Variants in ACER2 observed in about 807,000 individuals in gnomAD.
ACER2 encodes the protein alkCDase 2.
ACER2 carries 26 observed loss-of-function variants against 34.7 expected under a neutral mutation model. The ratio of observed to expected loss-of-function variants is 0.75; its 90% CI spans 0.55 to 1.04. The LOEUF (loss-of-function observed/expected upper bound fraction) is 1.04, where lower values mean the gene tolerates loss of function less well. ACER2 is among the 50% of genes least tolerant of loss of function. ACER2 has a pLI of 0.00. For missense variants in ACER2, 352 were observed against 340.8 expected, an observed-to-expected ratio of 1.03 and a Z score of -0.26; for synonymous variants, 138 against 132.1, an observed-to-expected ratio of 1.04 and a Z score of -0.31.
intron 1 of ACER2, among the ~76,000 whole-genome samples, chr9:19,415,873 G>A (rs1254302910): frequency 2.0e-5 from 3 of 152,070 alleles, no homozygotes; most frequent in Admixed American, 2.0e-4. Context: ...CTCACTTACA[G>A]CAAGTGAGCT....
intron 1 of ACER2, among the ~76,000 whole-genome samples, chr9:19,419,989 TCTC>T (rs1785872126): frequency 6.6e-6 from 1 of 152,050 alleles, no homozygotes; most frequent in Non-Finnish European, 1.5e-5. Context: ...GCTTACCCGC[TCTC>T]CTCCCCAGAT....
intron 4 of ACER2, among the ~76,000 whole-genome samples, chr9:19,443,287 C>G (rs988058619): frequency 1.2e-4 from 19 of 152,190 alleles, no homozygotes; most frequent in African/African-American, 4.6e-4. Flanking sequence ...CTGCTTCAGC[C>G]TCCCAAAGTG....
chr9:19,435,290 G>A (rs1411761077), intron 4 of ACER2, among the ~76,000 whole-genome samples: 1 of 152,176 alleles, frequency 6.6e-6, no homozygotes, highest in Non-Finnish European at 1.5e-5. Context: ...CTGTTGAGCA[G>A]ATGCAGTGCA....
intron 1 of ACER2, among the ~76,000 whole-genome samples, chr9:19,421,430 T>C: frequency 6.6e-6 from 1 of 152,216 alleles, no homozygotes; most frequent in East Asian, 1.9e-4. Context: ...GTTACTGGTA[T>C]ATGCTGTAAT....
At chr9:19,414,452 T>G (rs1176865548) in intron 1 of ACER2, among the ~76,000 whole-genome samples, 1 of 152,216 alleles carries the variant, frequency 6.6e-6, no homozygotes, top group Non-Finnish European at 1.5e-5. Context: ...ATGTGGAAAT[T>G]CATAGAATGA....
rs1456984842 is a variant in ACER2 at position 19,450,515 on chromosome 9, C to T, written c.707C>T (p.Ser236Leu). ...CVCFAYFDAA[S>L]EIPEQGPVIK... is the part of the protein sequence containing the mutation. ...TGCTTTGCCTACTTTGATGCTGCCT[C>T]AGAGATTCCTGAGCAAGGCCCTGTC... is the stretch of plus-strand genomic sequence containing the variant. Residue 236 changes from serine (S) to leucine (L), a missense_variant, in exon 6 of 6, where the codon TCA becomes TTA. Physicochemically the swap from Ser to Leu is moderately radical, Grantham distance 145. Coordinates refer to ENST00000340967, the MANE Select transcript of ACER2 (RefSeq NM_001010887.3). 2 of 1,612,438 alleles carry T rather than the reference C, an allele frequency of 1.2e-6. No individual in the cohort carries two copies. The highest frequency in any genetic ancestry group is 1.7e-6 in the Non-Finnish European group (2 of 1,178,698).
chr9:19,435,038 A>T lies in ACER2; in HGVS notation c.457A>T (p.Thr153Ser). ...KPAINNISLM[T>S]LGVPCTALLI... is the part of the protein sequence containing the mutation. ...TGCCATCAACAACATCTCTCTGATG[A>T]CCCTGGGAGTTCCTTGCACTGCACT... Residue 153 changes from threonine (T) to serine (S), a missense_variant, in exon 4 of 6, where the codon ACC becomes TCC. By Grantham distance (58) the Thr-to-Ser change is moderately conservative (BLOSUM62 1). Coordinates refer to ENST00000340967, the MANE Select transcript of ACER2 (RefSeq NM_001010887.3). 2 of 1,614,120 alleles carry T rather than the reference A, an allele frequency of 1.2e-6. No individual in the cohort carries two copies. Among genetic ancestry groups the T allele is most frequent in the Non-Finnish European group, 1.7e-6 (2 of 1,180,020 alleles).
chr9:19,427,311 T>C (rs1830600854), intron 3 of ACER2, among the ~76,000 whole-genome samples: 2 of 152,210 alleles, frequency 1.3e-5, no homozygotes, highest in Admixed American at 1.3e-4. Flanking sequence ...ATGGAGATAA[T>C]GTACATTGAC....
chr9:19,444,737 G>T (rs1190969748), intron 4 of ACER2, among the ~76,000 whole-genome samples: 4 of 152,196 alleles, frequency 2.6e-5, no homozygotes, highest in African/African-American at 9.6e-5. Context: ...GAGGGAACCA[G>T]CCCAAAGGCG....
rs1201575016 is a variant in ACER2, at chr9:19,413,591, T to G, written c.108+4399T>G. Among the ~76,000 whole-genome samples the G allele has an allele frequency of 4.1e-5, 6 of 145,422 alleles. 1 individual carries two copies. Among genetic ancestry groups the G allele is most frequent in the African/African-American group, 1.6e-4 (6 of 37,332 alleles). On this transcript the variant is annotated intron_variant, in intron 1 of 5. Transcript: ENST00000340967. Reference sequence around the variant, plus strand: ...TTCCAGCCTGGGTGACAGAGCAAGATTCCATCTTAAGGAAAAAAAAAAAAA... The same window carrying G: ...TTCCAGCCTGGGTGACAGAGCAAGAGTCCATCTTAAGGAAAAAAAAAAAAA...
intron 1 of ACER2, among the ~76,000 whole-genome samples, chr9:19,409,465 C>T (rs142976752): frequency 2.6e-5 from 4 of 152,166 alleles, no homozygotes; most frequent in African/African-American, 9.7e-5. Context: ...CCCACGCGTC[C>T]AGGAACCAGG....
In ACER2 at chr9:19,446,112, A is replaced by T. The variant is rs1831350014; in HGVS notation, c.504-169A>T. ...GTGTCTGTGAGCCATCTGTGTACAT[A>T]TGGTATTTACATCCATGAGACTGTG... is the stretch of plus-strand genomic sequence containing the variant. On this transcript the variant is annotated intron_variant, in intron 4 of 5. Coordinates refer to ENST00000340967, the MANE Select transcript of ACER2 (RefSeq NM_001010887.3). 3 of 976,454 alleles carry T rather than the reference A, an allele frequency of 3.1e-6. No homozygotes were observed. In the South Asian group the frequency reaches 3.9e-5, roughly 13 times the overall value. 60.5% of individuals were successfully genotyped at this position (976,454 alleles called of 1,614,324 possible). A position where few individuals can be genotyped will look rare whatever the true frequency, so the allele number is the denominator to read the frequency against.
At position 19,423,968 on chromosome 9, in the gene ACER2, T is replaced by C. The variant is rs1201503760; in HGVS notation, c.215T>C (p.Val72Ala). The change falls in exon 2 of 6, where the codon GTT becomes GCT. Residue 72 changes from valine (V) to alanine (A), a missense_variant. Val to Ala is a moderately conservative substitution (Grantham distance 64). Transcript: ENST00000340967. The stretch of plus-strand genomic sequence containing the variant: ...ATCTACTTAATCTGGACTCTTTTGG[T>C]TGTAGTGGGTAAGTGGAGTCATTTG... ...SGIYLIWTLL[V>A]VVGIGSVYFH... is the part of the protein sequence containing the mutation. 1.7e-5 allele frequency: 27 copies of C among 1,612,204 alleles called. No homozygotes were observed. The highest frequency in any genetic ancestry group is 2.3e-5 in the Non-Finnish European group (27 of 1,178,396).
chr9:19,446,963 C>T (rs1228130502), intron 5 of ACER2, among the ~76,000 whole-genome samples: 2 of 152,012 alleles, frequency 1.3e-5, no homozygotes, highest in African/African-American at 4.8e-5. Context: ...AGAAAACAAC[C>T]TTGGAGTTCA....
chr9:19,445,386 T>G (rs562914341), intron 4 of ACER2, among the ~76,000 whole-genome samples: 19 of 152,202 alleles, frequency 1.2e-4, no homozygotes, highest in African/African-American at 4.6e-4. Flanking sequence ...TCCATGTCAG[T>G]GGATAAACAC....
chr9:19,449,569 C>T (rs994995362), intron 5 of ACER2, among the ~76,000 whole-genome samples: 1 of 152,094 alleles, frequency 6.6e-6, no homozygotes, highest in Non-Finnish European at 1.5e-5. Flanking sequence ...CCCCTCCTCC[C>T]CAACATCAAA....
At chr9:19,441,424 C>T (rs1831154774) in intron 4 of ACER2, among the ~76,000 whole-genome samples, 2 of 152,176 alleles carry the variant, frequency 1.3e-5, no homozygotes, top group Non-Finnish European at 2.9e-5. Context: ...CTCCAGCCTT[C>T]CCCTGTGAGC....
In ACER2 at chr9:19,442,934, G is replaced by A. The variant is rs1831205877; in HGVS notation, c.504-3347G>A. On this transcript the variant is annotated intron_variant, in intron 4 of 5. Transcript: ENST00000340967. Reference sequence around the variant, plus strand: ...TGCAACCTCCGCCTCCTGGGTTCAAGCGATTCTCTTACCTCAGCCTCCCGA... The same window carrying A: ...TGCAACCTCCGCCTCCTGGGTTCAAACGATTCTCTTACCTCAGCCTCCCGA... Among the ~76,000 whole-genome samples the A allele has an allele frequency of 1.3e-5, 2 of 151,878 alleles. 1 individual carries two copies. The highest frequency in any genetic ancestry group is 4.2e-4 in the South Asian group (2 of 4,808).
rs142910852 is a variant in ACER2, at chr9:19,413,881, T to C, written c.108+4689T>C. On this transcript the variant is annotated intron_variant, in intron 1 of 5. Transcript: ENST00000340967. ...ATGCCAAGTCCTAAGTCCCGCTCTCTTCAGGCTGAATCTATCGGTCGATCC... is the reference window on the plus strand; with the variant it reads ...ATGCCAAGTCCTAAGTCCCGCTCTCCTCAGGCTGAATCTATCGGTCGATCC... Among the ~76,000 whole-genome samples the C allele has an allele frequency of 7.2e-3, 1,100 of 152,354 alleles. 8 individuals carry two copies. Among genetic ancestry groups the C allele is most frequent in the Non-Finnish European group, 0.01 (685 of 68,030 alleles).
Sources: gnomAD v4.1 joint callset for allele counts (sites outside exome capture counted in the v4.1 genomes callset) on GRCh38, gnomAD v4.1.1 for gene constraint, MANE v1.5 for transcripts, NCBI Gene and HGNC (gene_info 2026-07-23, HGNC 2026-07-21) for gene names.